Variants in MBNL3 observed in about 807,000 individuals in gnomAD.
The protein encoded by MBNL3 is muscleblind like splicing regulator 3.
MBNL3 carries 6 observed loss-of-function variants against 24.5 expected under a neutral mutation model. That is an observed-to-expected ratio of 0.25 (90% CI 0.13 to 0.48). The LOEUF (loss-of-function observed/expected upper bound fraction) is 0.48. Ranked by LOEUF, MBNL3 falls within the 20% of genes least tolerant of loss-of-function variation. The pLI is 0.99. For synonymous variants in MBNL3, 100 were observed against 101.7 expected (o/e 0.98, Z 0.10); for missense variants, 230 against 293.5 (o/e 0.78, Z 1.58).
chrX:132,413,146 C>A (rs1194450406), intron 2 of MBNL3, among the ~76,000 whole-genome samples: 1 of 111,844 alleles, frequency 8.9e-6, no homozygotes, highest in Non-Finnish European at 1.9e-5. Context: ...ATCTCCTGCT[C>A]CTAGGCTTCT....
At position 132,373,966 on chromosome X, in the gene MBNL3, CATTT is replaced by C. The variant is rs1287379038; in HGVS notation, c.*5696_*5699del. 3 of 111,436 alleles carry C rather than the reference CATTT, an allele frequency of 2.7e-5. No homozygotes were observed. Among genetic ancestry groups the C allele is most frequent in the Non-Finnish European group, 5.7e-5 (3 of 52,930 alleles). The allele number at this position is 111,436 out of a possible 1,213,427, so 9.2% of individuals were successfully genotyped here. On this transcript the variant is annotated 3_prime_UTR_variant, in exon 9 of 9. Transcript: ENST00000370853. Reference sequence around the variant, plus strand: ...GCCAGTTATAAAGTTGTGCCAGGAGCATTTTTTTTCCCTTTGTTGAAGGGAATGA... The same window carrying C: ...GCCAGTTATAAAGTTGTGCCAGGAGCTTTTTCCCTTTGTTGAAGGGAATGA...
At chrX:132,486,578 T>C (rs185285866) in intron 1 of MBNL3, among the ~76,000 whole-genome samples, 1 of 112,600 alleles carries the variant, frequency 8.9e-6, no homozygotes, top group Non-Finnish European at 1.9e-5. Flanking sequence ...ATGTACATTC[T>C]ACTCTTCTTT....
chrX:132,369,358 AC>A lies in MBNL3; in HGVS notation c.*10307del. 1 of 112,098 alleles carries A rather than the reference AC, an allele frequency of 8.9e-6. No homozygotes were observed. The allele number at this position is 112,098 out of a possible 1,213,427, so 9.2% of individuals were successfully genotyped here. On this transcript the variant is annotated 3_prime_UTR_variant, in exon 9 of 9. Transcript: ENST00000370853. ...CATTTATTAAATAGTGAAATGGTTA[AC>A]AAAGGCACATCAATAACCACTTACT...
chrX:132,388,953 GA>G (rs11321221), intron 5 of MBNL3, among the ~76,000 whole-genome samples: 11,660 of 110,818 alleles, frequency 0.11, 553 homozygotes, highest in Non-Finnish European at 0.14. Flanking sequence ...ACCCTGCTGT[GA>G]TCAGTTACTT....
chrX:132,465,084 A>G (rs1381125443), intron 1 of MBNL3, among the ~76,000 whole-genome samples: 2 of 111,539 alleles, frequency 1.8e-5, no homozygotes, highest in Non-Finnish European at 3.8e-5. Flanking sequence ...TTAAAAAGGG[A>G]AGTAAAACAG....
Position 132,406,411 on chromosome X carries a change from G to A in MBNL3, c.178-19C>T. 1 of 1,157,957 alleles carries A rather than the reference G, an allele frequency of 8.6e-7. No individual in the cohort carries two copies. Among genetic ancestry groups the A allele is most frequent in the South Asian group, 2.0e-5 (1 of 49,165 alleles). On this transcript the variant is annotated intron_variant, in intron 2 of 8. Transcript: ENST00000370853. ...ACCGACCCTGACAATGAAGAATAGGGAAAATATTAAATTAAAACTATACAC... is the reference window on the plus strand; with the variant it reads ...ACCGACCCTGACAATGAAGAATAGGAAAAATATTAAATTAAAACTATACAC...
At chrX:132,399,407 A>C (rs1328563615) in intron 3 of MBNL3, among the ~76,000 whole-genome samples, 2 of 110,925 alleles carry the variant, frequency 1.8e-5, no homozygotes, top group East Asian at 5.7e-4. Flanking sequence ...CTAAATCCAT[A>C]CTAGAAGGTA....
chrX:132,404,748 G>A (rs1282279749), intron 3 of MBNL3, among the ~76,000 whole-genome samples: 1 of 111,859 alleles, frequency 8.9e-6, no homozygotes, highest in African/African-American at 3.3e-5. Flanking sequence ...AGATATCCTT[G>A]AATTCTGAGA....
intron 5 of MBNL3, among the ~76,000 whole-genome samples, chrX:132,387,748 A>C (rs139714944): frequency 1.3e-4 from 15 of 112,467 alleles, no homozygotes; most frequent in African/African-American, 4.2e-4. Flanking sequence ...GATAGTTAGC[A>C]AAATATATGC....
At chrX:132,435,575 T>A (rs1945073887) in intron 2 of MBNL3, among the ~76,000 whole-genome samples, 1 of 112,120 alleles carries the variant, frequency 8.9e-6, no homozygotes, top group African/African-American at 3.2e-5. Flanking sequence ...ACTGGTAACT[T>A]GGGCCAGTTT....
intron 1 of MBNL3, among the ~76,000 whole-genome samples, chrX:132,444,798 G>C (rs886846288): frequency 1.8e-5 from 2 of 111,075 alleles, no homozygotes; most frequent in African/African-American, 6.5e-5. Context: ...TGAAAAAAAA[G>C]AACTGCAGAT....
intron 1 of MBNL3, among the ~76,000 whole-genome samples, chrX:132,444,623 A>G (rs1424903571): frequency 9.0e-6 from 1 of 111,635 alleles, no homozygotes; most frequent in Non-Finnish European, 1.9e-5. Context: ...GATCCACAGG[A>G]AGAAACCTTT....
intron 3 of MBNL3, among the ~76,000 whole-genome samples, chrX:132,397,261 C>T (rs1939952430): frequency 9.1e-6 from 1 of 109,542 alleles, no homozygotes; most frequent in Non-Finnish European, 1.9e-5. Flanking sequence ...AAAACTATGC[C>T]TCAAATAAAT....
chrX:132,440,200 C>T lies in MBNL3; in HGVS notation c.-589G>A, dbSNP rs1406580240. ...CAGTAAACTACAAGCACACCAGGTT[C>T]GGCGGGGAGGTGGAGAGGGCAGGGA... On this transcript the variant is annotated 5_prime_UTR_variant, in exon 2 of 9. Transcript: ENST00000370853. 9.1e-6 allele frequency among the ~76,000 whole-genome samples: 1 copy of T among 110,089 alleles called. No homozygotes were observed. Among genetic ancestry groups the T allele is most frequent in the Admixed American group, 9.7e-5 (1 of 10,283 alleles).
chrX:132,468,194 A>C (rs1040040161), intron 1 of MBNL3, among the ~76,000 whole-genome samples: 10 of 112,752 alleles, frequency 8.9e-5, no homozygotes, highest in African/African-American at 3.2e-4. Flanking sequence ...ACTATGCATC[A>C]AACATTTTAA....
chrX:132,388,708 G>T (rs1569415637), intron 5 of MBNL3, among the ~76,000 whole-genome samples: 1 of 111,246 alleles, frequency 9.0e-6, no homozygotes, highest in East Asian at 2.8e-4. Context: ...TGAGACTGTG[G>T]ATGAACTAAG....
chrX:132,421,547 T>C (rs1002895177), intron 2 of MBNL3, among the ~76,000 whole-genome samples: 3 of 112,009 alleles, frequency 2.7e-5, no homozygotes, highest in Non-Finnish European at 5.6e-5. Flanking sequence ...TTTAATCTCA[T>C]CCTCGTAAAT....
At chrX:132,423,702 G>A (rs1603237356) in intron 2 of MBNL3, among the ~76,000 whole-genome samples, 1 of 111,700 alleles carries the variant, frequency 9.0e-6, no homozygotes, top group East Asian at 2.8e-4. Context: ...CGTCTAAGGA[G>A]TTTCAAGTAT....
intron 7 of MBNL3, 147 bp from the exon 8 acceptor site, chrX:132,382,419 A>G (rs1445167487): frequency 1.2e-5 from 5 of 408,190 alleles, no homozygotes; most frequent in East Asian, 7.4e-5. Flanking sequence ...TGTTCATGCA[A>G]TCACAGTCAG....
Sources: gnomAD v4.1 joint callset for allele counts (sites outside exome capture counted in the v4.1 genomes callset) on GRCh38, gnomAD v4.1.1 for gene constraint, MANE v1.5 for transcripts, NCBI Gene and HGNC (gene_info 2026-07-23, HGNC 2026-07-21) for gene names.